AXDND1: variants seen among roughly 807,000 people sequenced by gnomAD.
AXDND1 encodes axonemal dynein light chain domain-containing protein 1.
A neutral mutation model predicts 137.5 loss-of-function variants in AXDND1; 110 were observed. The ratio of observed to expected loss-of-function variants is 0.80; its 90% CI spans 0.69 to 0.94. AXDND1 has a LOEUF of 0.94. Among genes scored for constraint, AXDND1 ranks in the 40% least tolerant of loss-of-function variants. AXDND1 has a pLI of 0.00. For synonymous variants in AXDND1, 414 were observed against 399.7 expected (o/e 1.04, Z -0.43); for missense variants, 1,191 against 1,169.8 (o/e 1.02, Z -0.26).
rs1666906269 is a variant in AXDND1, at chr1:179,491,627, A to G, written c.2181A>G (p.Leu727=). The part of the protein sequence containing the change: ...IPNFTDQDCL[L]KLEEESAEKH... The stretch of plus-strand genomic sequence containing the variant: ...ACTTTACTGACCAAGACTGTCTCCT[A>G]AAGTTGGAGGAGGAAAGTGCTGAGA... Residue 727 remains leucine, a synonymous_variant, in exon 19 of 26, where the codon CTA becomes CTG. Coordinates refer to ENST00000367618, the MANE Select transcript of AXDND1 (RefSeq NM_144696.6). The G allele has an allele frequency of 6.2e-7, 1 of 1,613,920 alleles. No individual in the cohort carries two copies. Among genetic ancestry groups the G allele is most frequent in the Non-Finnish European group, 8.5e-7 (1 of 1,179,852 alleles).
chr1:179,479,961 T>A (rs1451140513), intron 17 of AXDND1, among the ~76,000 whole-genome samples: 1 of 152,196 alleles, frequency 6.6e-6, no homozygotes, highest in Non-Finnish European at 1.5e-5. Context: ...TGTAACCACC[T>A]CAGCCTGGAT....
intron 12 of AXDND1, among the ~76,000 whole-genome samples, chr1:179,420,910 C>T (rs1655580356): frequency 6.6e-6 from 1 of 152,102 alleles, no homozygotes. Context: ...CGTGAGCTAC[C>T]ATGTCCAGCC....
At chr1:179,476,723 A>G (rs745778605) in intron 17 of AXDND1, among the ~76,000 whole-genome samples, 3 of 152,046 alleles carry the variant, frequency 2.0e-5, no homozygotes, top group Non-Finnish European at 2.9e-5. Context: ...TCAGCTGTTA[A>G]TCTTATTGGG....
intron 17 of AXDND1, among the ~76,000 whole-genome samples, chr1:179,478,670 A>G (rs527410455): frequency 1.3e-5 from 2 of 152,330 alleles, no homozygotes; most frequent in Non-Finnish European, 2.9e-5. Flanking sequence ...TGTCTTGGGC[A>G]TTAACATTTG....
chr1:179,551,863 T>A, intron 25 of AXDND1: 1 of 216,894 alleles, frequency 4.6e-6, no homozygotes. Flanking sequence ...ACTACACAAA[T>A]GCTACCTGAA....
intron 25 of AXDND1, chr1:179,546,228 G>T (rs534712235): frequency 6.6e-6 from 1 of 152,100 alleles, no homozygotes; most frequent in African/African-American, 2.4e-5. Context: ...ACGCCTTGCG[G>T]TGCTCTTCCA....
intron 23 of AXDND1, 59 bp downstream of exon 23, chr1:179,528,490 T>C (rs1354116639): frequency 8.3e-7 from 1 of 1,211,420 alleles, no homozygotes; most frequent in Non-Finnish European, 1.2e-6. Context: ...ATAAAAATGA[T>C]ATGGTGCTAA....
At position 179,373,033 on chromosome 1, in the gene AXDND1, G is replaced by C. The variant is rs187811821; in HGVS notation, c.374+2955G>C. ...ATATTTCAACAAGTAAATAAAACAG[G>C]CTTCTTCTAAAAATCAATAACACAA... On this transcript the variant is annotated intron_variant, in intron 4 of 25. Coordinates refer to ENST00000367618, the MANE Select transcript of AXDND1 (RefSeq NM_144696.6). Among the ~76,000 whole-genome samples, 407 of 152,130 alleles carry C rather than the reference G, an allele frequency of 2.7e-3. 4 individuals are homozygous for C. The highest frequency in any genetic ancestry group is 0.017 in the Middle Eastern group (5 of 294).
At chr1:179,396,126 G>A (rs2125147045) in intron 11 of AXDND1, among the ~76,000 whole-genome samples, 1 of 150,620 alleles carries the variant, frequency 6.6e-6, no homozygotes, top group South Asian at 2.1e-4. Flanking sequence ...CTGAGTTTGT[G>A]CCACTGCACT....
At chr1:179,407,216 G>C (rs970416166) in intron 11 of AXDND1, among the ~76,000 whole-genome samples, 1 of 151,728 alleles carries the variant, frequency 6.6e-6, no homozygotes, top group Admixed American at 6.6e-5. Flanking sequence ...TGGCTAGCAG[G>C]GTTTTTTTTC....
At chr1:179,522,577 T>A (rs949166999) in intron 21 of AXDND1, among the ~76,000 whole-genome samples, 2 of 151,982 alleles carry the variant, frequency 1.3e-5, no homozygotes, top group African/African-American at 4.8e-5. Context: ...ATAAAGTAGA[T>A]GTTTAAGTAG....
intron 18 of AXDND1, 97 bp downstream of exon 18, chr1:179,483,318 G>T (rs1665653016): frequency 2.9e-6 from 2 of 681,294 alleles, no homozygotes; most frequent in Non-Finnish European, 4.9e-6. Context: ...TGAAGCAGGA[G>T]GTTGAGAGGG....
intron 16 of AXDND1, among the ~76,000 whole-genome samples, chr1:179,462,650 A>C (rs551590375): frequency 5.9e-5 from 9 of 152,328 alleles, no homozygotes; most frequent in African/African-American, 2.2e-4. Flanking sequence ...CCTCTGGTAG[A>C]ATTTGGCTGT....
chr1:179,432,165 TGAG>T, intron 14 of AXDND1, 99 bp from the exon 15 acceptor site: 1 of 1,383,226 alleles, frequency 7.2e-7, no homozygotes, highest in Non-Finnish European at 9.6e-7. Flanking sequence ...TCAAAATTAT[TGAG>T]GAGAAATATG....
rs976650332 is a variant in AXDND1 at position 179,552,533 on chromosome 1, C to G, written c.3032-1979C>G. 5.0e-5 allele frequency: 61 copies of G among 1,225,564 alleles called. No homozygotes were observed. The African/African-American group carries it at 7.5e-4, about 15-fold the overall frequency. 75.9% of individuals were successfully genotyped at this position (1,225,564 alleles called of 1,614,324 possible). A position where few individuals can be genotyped will look rare whatever the true frequency, so the allele number is the denominator to read the frequency against. ...GCCTAATGAATGGACAGTAAGGAAG[C>G]AAAGGGGAAATGTTCTCCACGAGCA... On this transcript the variant is annotated intron_variant, in intron 25 of 25. Transcript: ENST00000367618.
intron 21 of AXDND1, among the ~76,000 whole-genome samples, chr1:179,513,577 A>C (rs1275040517): frequency 6.6e-6 from 1 of 152,150 alleles, no homozygotes; most frequent in Non-Finnish European, 1.5e-5. Flanking sequence ...TTCTGCCTTC[A>C]TAGAATGAAT....
Position 179,540,066 on chromosome 1 carries a change from C to G in AXDND1, c.3031+5104C>G, listed in dbSNP as rs75778842. 1.8e-3 allele frequency among the ~76,000 whole-genome samples: 273 copies of G among 152,084 alleles called. 7 individuals are homozygous for G. In the East Asian group the frequency reaches 0.051, roughly 29 times the overall value. On this transcript the variant is annotated intron_variant, in intron 25 of 25. Transcript: ENST00000367618. ...CAGGTCATTTATGTTCTTCTCTACC[C>G]TGGTTGTTCTAGTTAGCCATTTCGT...
At chr1:179,504,463 G>T (rs1391268467) in intron 20 of AXDND1, among the ~76,000 whole-genome samples, 1 of 152,144 alleles carries the variant, frequency 6.6e-6, no homozygotes, top group Non-Finnish European at 1.5e-5. Flanking sequence ...TGTGTGGCGA[G>T]ACCAGGTTTT....
At chr1:179,421,682 CTTTATCT>C (rs147399142) in intron 12 of AXDND1, among the ~76,000 whole-genome samples, 2,662 of 151,922 alleles carry the variant, frequency 0.018, 64 homozygotes, top group African/African-American at 0.059. Flanking sequence ...ATGCCTGGAC[CTTTATCT>C]TTTTTCTTAT....
Sources: allele counts gnomAD v4.1 joint callset (sites outside exome capture counted in the v4.1 genomes callset), GRCh38; gene constraint gnomAD v4.1.1; transcripts MANE v1.5; gene names NCBI Gene and HGNC (gene_info 2026-07-23, HGNC 2026-07-21).